The following FRMD4A variants were observed in gnomAD, a reference collection of about 807,000 sequenced individuals.
FRMD4A encodes the protein FERM domain containing 4A, also known as FERM domain-containing protein 4A.
In FRMD4A, 29 loss-of-function variants were observed where a neutral mutation model predicts 129.1. That is an observed-to-expected ratio of 0.22 (90% CI 0.17 to 0.31). FRMD4A has a LOEUF of 0.31. Ranked by LOEUF, FRMD4A falls within the 10% of genes least tolerant of loss-of-function variation. FRMD4A has a pLI of 1.00. For missense variants in FRMD4A, 1,272 were observed against 1,375.8 expected (o/e 0.92, Z 1.19); for synonymous variants, 634 against 571.6 (o/e 1.11, Z -1.56).
intron 2 of FRMD4A, among the ~76,000 whole-genome samples, chr10:14,296,846 C>G (rs1005984535): frequency 6.6e-6 from 1 of 152,138 alleles, no homozygotes; most frequent in Non-Finnish European, 1.5e-5. Context: ...CATACAACTC[C>G]CTTTCCCCCC....
intron 2 of FRMD4A, among the ~76,000 whole-genome samples, chr10:14,186,001 C>T (rs1842132955): frequency 6.6e-6 from 1 of 152,142 alleles, no homozygotes; most frequent in South Asian, 2.1e-4. Context: ...GTGCAGGGTC[C>T]ATGGTGATGG....
At chr10:14,047,772 G>T (rs1460757996) in intron 2 of FRMD4A, among the ~76,000 whole-genome samples, 1 of 152,182 alleles carries the variant, frequency 6.6e-6, no homozygotes, top group Non-Finnish European at 1.5e-5. Flanking sequence ...ACCCTTTGGG[G>T]TTTTAACCCC....
At chr10:13,832,203 C>T (rs1588945458) in intron 3 of FRMD4A, among the ~76,000 whole-genome samples, 1 of 152,042 alleles carries the variant, frequency 6.6e-6, no homozygotes, top group Admixed American at 6.6e-5. Context: ...CTTTCGGCTG[C>T]TCCCTCTCGG....
chr10:13,737,825 A>G lies in FRMD4A; in HGVS notation c.759+19T>C. 7.0e-7 allele frequency: 1 copy of G among 1,419,440 alleles called. No homozygotes were observed. The highest frequency in any genetic ancestry group is 1.0e-6 in the Non-Finnish European group (1 of 1,002,830). The allele number at this position is 1,419,440 out of a possible 1,614,324, so 87.9% of individuals were successfully genotyped here. A position where few individuals can be genotyped will look rare whatever the true frequency, so the allele number is the denominator to read the frequency against. On this transcript the variant is annotated intron_variant, in intron 12 of 24. Coordinates refer to ENST00000357447, the MANE Select transcript of FRMD4A (RefSeq NM_018027.5). ...CTGGATCTGAGAGGAGTTAAACCCA[A>G]GCAGGAGACCAGCCTTACCTTTCTT...
intron 2 of FRMD4A, among the ~76,000 whole-genome samples, chr10:13,952,351 A>C (rs2095378263): frequency 6.6e-6 from 1 of 151,920 alleles, no homozygotes; most frequent in Non-Finnish European, 1.5e-5. Flanking sequence ...ATTTTTAAAA[A>C]GGAGCCAGGT....
intron 2 of FRMD4A, among the ~76,000 whole-genome samples, chr10:14,018,524 T>C (rs2095706502): frequency 6.9e-6 from 1 of 144,594 alleles, no homozygotes; most frequent in African/African-American, 2.6e-5. Flanking sequence ...TAGAACAATA[T>C]ATTTTAGATC....
chr10:14,185,082 GC>G (rs2131908255), intron 2 of FRMD4A, among the ~76,000 whole-genome samples: 1 of 152,276 alleles, frequency 6.6e-6, no homozygotes, highest in South Asian at 2.1e-4. Flanking sequence ...TCAACCCAAG[GC>G]CCCTCCATAT....
chr10:13,657,787 G>GTTTTTTTTTTT (rs1204181870), intron 21 of FRMD4A, among the ~76,000 whole-genome samples: 1,378 of 110,726 alleles, frequency 0.012, 27 homozygotes, highest in East Asian at 0.044. Flanking sequence ...TCGATTTCTG[G>GTTTTTTTTTTT]GTTTTTTTTT....
intron 2 of FRMD4A, among the ~76,000 whole-genome samples, chr10:14,022,029 C>A (rs1325357464): frequency 6.6e-6 from 1 of 151,914 alleles, no homozygotes; most frequent in Non-Finnish European, 1.5e-5. Context: ...AAAACTCAAG[C>A]GATTGATATG....
chr10:13,656,869 G>A lies in FRMD4A; in HGVS notation c.2720C>T (p.Pro907Leu), dbSNP rs755993250. Residue 907 changes from proline to leucine, a missense_variant, in exon 22 of 25, where the codon CCG becomes CTG. Coordinates refer to ENST00000357447, the MANE Select transcript of FRMD4A (RefSeq NM_018027.5). ...GTGGGCGCCCTCGCGGCCCAGCGAC[G>A]GAGTCCGCAGGATCTGCGATCGCGA... The part of the protein sequence containing the change: ...TPSRSQILRT[P>L]SLGREGAHDK... 21 of 1,482,470 alleles carry A rather than the reference G, an allele frequency of 1.4e-5. No individual in the cohort carries two copies. Among genetic ancestry groups the A allele is most frequent in the South Asian group, 5.3e-5 (4 of 75,816 alleles). 91.8% of individuals were successfully genotyped at this position (1,482,470 alleles called of 1,614,324 possible). A position where few individuals can be genotyped will look rare whatever the true frequency, so the allele number is the denominator to read the frequency against.
intron 2 of FRMD4A, among the ~76,000 whole-genome samples, chr10:13,953,919 C>A (rs987938500): frequency 6.6e-5 from 10 of 152,164 alleles, no homozygotes; most frequent in African/African-American, 2.4e-4. Flanking sequence ...ATTATTTTTA[C>A]CTTTTTTAAA....
rs559017497 is a variant in FRMD4A, at chr10:14,094,037, G to A, written c.46-235125C>T. 1.1e-4 allele frequency among the ~76,000 whole-genome samples: 17 copies of A among 152,332 alleles called. 1 individual carries two copies. The South Asian group carries it at 2.9e-3, about 26-fold the overall frequency. On this transcript the variant is annotated intron_variant, in intron 2 of 24. Coordinates refer to ENST00000357447, the MANE Select transcript of FRMD4A (RefSeq NM_018027.5). The stretch of plus-strand genomic sequence containing the variant: ...GATGGAGGCTTTTGCCGAAAAGGCC[G>A]TGGCAAGGACAATGAAATTCGACCC...
intron 2 of FRMD4A, among the ~76,000 whole-genome samples, chr10:14,309,570 C>T (rs1846468607): frequency 6.6e-6 from 1 of 152,146 alleles, no homozygotes; most frequent in Admixed American, 6.5e-5. Flanking sequence ...ATATAAACTT[C>T]CAAGGCAGTT....
chr10:13,656,874 C>T lies in FRMD4A; in HGVS notation c.2715G>A (p.Arg905=). Residue 905 remains arginine, a synonymous_variant, in exon 22 of 25, where the codon CGG becomes CGA. Transcript: ENST00000357447. ...CGCCCTCGCGGCCCAGCGACGGAGT[C>T]CGCAGGATCTGCGATCGCGACGGCG... ...RLTPSRSQIL[R]TPSLGREGAH... is the part of the protein sequence containing the mutation. 1 of 1,490,362 alleles carries T rather than the reference C, an allele frequency of 6.7e-7. No homozygotes were observed. The highest frequency in any genetic ancestry group is 1.3e-5 in the South Asian group (1 of 76,822). 92.3% of individuals were successfully genotyped at this position (1,490,362 alleles called of 1,614,324 possible). A position where few individuals can be genotyped will look rare whatever the true frequency, so the allele number is the denominator to read the frequency against.
At chr10:13,897,955 A>T (rs12259998) in intron 2 of FRMD4A, among the ~76,000 whole-genome samples, 20 of 132,260 alleles carry the variant, frequency 1.5e-4, no homozygotes, top group Non-Finnish European at 2.1e-4. Context: ...AAAAAAAAAA[A>T]GCTAAGATAT....
chr10:14,154,040 C>A (rs1840476507), intron 2 of FRMD4A, among the ~76,000 whole-genome samples: 1 of 152,156 alleles, frequency 6.6e-6, no homozygotes, highest in Non-Finnish European at 1.5e-5. Flanking sequence ...CTTAGCTCTT[C>A]CAGCGCCTGA....
chr10:14,122,713 C>A (rs1039198740), intron 2 of FRMD4A, among the ~76,000 whole-genome samples: 7 of 152,018 alleles, frequency 4.6e-5, no homozygotes, highest in Non-Finnish European at 1.0e-4. Context: ...GAGAAACCAC[C>A]CTCATGAACA....
At chr10:14,117,875 C>CATGGGAAAT (rs1172735544) in intron 2 of FRMD4A, among the ~76,000 whole-genome samples, 1 of 152,148 alleles carries the variant, frequency 6.6e-6, no homozygotes, top group Non-Finnish European at 1.5e-5. Context: ...ACAATTTCAA[C>CATGGGAAAT]ATGGGCAATA....
intron 3 of FRMD4A, among the ~76,000 whole-genome samples, chr10:13,844,139 GTGTA>G (rs1456196899): frequency 6.6e-6 from 1 of 152,172 alleles, no homozygotes; most frequent in African/African-American, 2.4e-5. Context: ...GTGCATGTTT[GTGTA>G]TGTGTGTACA....
Sources: allele counts gnomAD v4.1 joint callset (sites outside exome capture counted in the v4.1 genomes callset), GRCh38; gene constraint gnomAD v4.1.1; transcripts MANE v1.5; gene names NCBI Gene and HGNC (gene_info 2026-07-23, HGNC 2026-07-21).